The following NFS1 variants were observed in gnomAD, a reference collection of about 807,000 sequenced individuals.
The protein encoded by NFS1 is cysteine desulfurase.
Under a neutral mutation model 57.3 loss-of-function variants are expected in NFS1, and 26 were observed. The ratio of observed to expected loss-of-function variants is 0.45; its 90% CI spans 0.33 to 0.63. NFS1 has a LOEUF of 0.63. NFS1 is among the 20% of genes least tolerant of loss of function. The probability of loss-of-function intolerance (pLI) is 0.02; values close to 1 mark genes in which losing one functional copy is unlikely to be tolerated. For synonymous variants in NFS1, 209 were observed against 216.3 expected, an observed-to-expected ratio of 0.97 and a Z score of 0.30; for missense variants, 505 against 605.8, an observed-to-expected ratio of 0.83 and a Z score of 1.75.
intron 7 of NFS1, among the ~76,000 whole-genome samples, chr20:35,679,896 G>T (rs2034819563): frequency 6.6e-6 from 1 of 152,122 alleles, no homozygotes; most frequent in African/African-American, 2.4e-5. Context: ...TATTCCCAAG[G>T]GTTAAGGGAA....
At chr20:35,698,790 T>G (rs2035189328) in intron 1 of NFS1, 200 bp from the exon 2 acceptor site, 1 of 1,390,864 alleles carries the variant, frequency 7.2e-7, no homozygotes, top group African/African-American at 1.5e-5. Flanking sequence ...AGAGGGTTCC[T>G]GGAGGGGGTG....
Position 35,681,943 on chromosome 20 carries a change from C to T in NFS1, c.600G>A (p.Val200=). 2.5e-6 allele frequency: 4 copies of T among 1,612,966 alleles called. No individual in the cohort carries two copies. The highest frequency in any genetic ancestry group is 3.4e-6 in the Non-Finnish European group (4 of 1,179,008). The change falls in exon 6 of 13, where the codon GTG becomes GTA. Residue 200 remains valine (V), a synonymous_variant. Transcript: ENST00000374092. ...TCTCATTGTTCACAGTCATGACTGACACCAGGCTAGTATCTGGCTGGATAG... is the reference window on the plus strand; with the variant it reads ...TCTCATTGTTCACAGTCATGACTGATACCAGGCTAGTATCTGGCTGGATAG... ...EAAIQPDTSL[V]SVMTVNNEIG...
intron 7 of NFS1, among the ~76,000 whole-genome samples, chr20:35,679,548 C>T (rs1018428218): frequency 1.3e-5 from 2 of 152,046 alleles, no homozygotes; most frequent in African/African-American, 4.8e-5. Context: ...GGTATCCAGC[C>T]TGAGTTCATT....
chr20:35,687,956 C>T (rs1458894904), intron 5 of NFS1, among the ~76,000 whole-genome samples: 1 of 152,106 alleles, frequency 6.6e-6, no homozygotes, highest in Non-Finnish European at 1.5e-5. Context: ...AAAAATTTAG[C>T]AGGCTGGCCA....
chr20:35,672,795 C>G lies in NFS1; in HGVS notation c.1270G>C (p.Glu424Gln). 1 of 1,613,808 alleles carries G rather than the reference C, an allele frequency of 6.2e-7. No individual in the cohort carries two copies. Among genetic ancestry groups the G allele is most frequent in the Admixed American group, 1.7e-5 (1 of 60,006 alleles). ...TTEEEVDYTV[E>Q]KCIQHVKRLR... ...CGCTTCACATGCTGAATGCATTTCT[C>G]CACTGTGTAGTCCACTTCCTCCTCT... Residue 424 changes from glutamate to glutamine, a missense_variant, in exon 12 of 13, where the codon GAG (glutamate) becomes CAG (glutamine). By Grantham distance (29) the Glu-to-Gln change is conservative. Coordinates refer to ENST00000374092, the MANE Select transcript of NFS1 (RefSeq NM_021100.5).
chr20:35,699,291 T>A lies in NFS1; in HGVS notation c.-3A>T. The A allele has an allele frequency of 7.1e-7, 1 of 1,404,880 alleles. No individual in the cohort carries two copies. Among genetic ancestry groups the A allele is most frequent in the Non-Finnish European group, 9.2e-7 (1 of 1,087,588 alleles). The allele number at this position is 1,404,880 out of a possible 1,614,324, so 87.0% of individuals were successfully genotyped here. A position where few individuals can be genotyped will look rare whatever the true frequency, so the allele number is the denominator to read the frequency against. ...CTCCAAGCGGCTCGGAGCAGCATGG[T>A]CCCGCTGGCAGAGCCCACCTTCCGA... On this transcript the variant is annotated 5_prime_UTR_variant, in exon 1 of 13. Transcript: ENST00000374092. The surrounding 1 kb of genome is among the most constrained non-coding windows in gnomAD (Gnocchi z 4.4).
chr20:35,676,670 TGGA>T (rs1301083682), intron 7 of NFS1, among the ~76,000 whole-genome samples: 1 of 144,342 alleles, frequency 6.9e-6, no homozygotes, highest in Non-Finnish European at 1.5e-5. Flanking sequence ...AAAAGAAAGC[TGGA>T]GGAGAAGTAT....
At chr20:35,684,445 TAA>T in intron 5 of NFS1, among the ~76,000 whole-genome samples, 1 of 138,104 alleles carries the variant, frequency 7.2e-6, no homozygotes, top group East Asian at 2.4e-4. Context: ...TAAAATAAAA[TAA>T]AATAAAATAA....
intron 5 of NFS1, chr20:35,682,779 C>CAAA (rs1430151155): frequency 1.6e-5 from 2 of 121,654 alleles, no homozygotes. Context: ...GACTCTGCCT[C>CAAA]AAAAAAAAAA....
At chr20:35,696,201 A>ACT (rs1258785348) in intron 4 of NFS1, among the ~76,000 whole-genome samples, 176 bp downstream of exon 4, 3 of 152,336 alleles carry the variant, frequency 2.0e-5, no homozygotes, top group Non-Finnish European at 4.4e-5. Flanking sequence ...AGACTTAAGA[A>ACT]AGAGTAGACT....
intron 1 of NFS1, chr20:35,698,880 T>C (rs764253163): frequency 7.5e-7 from 1 of 1,340,662 alleles, no homozygotes; most frequent in Non-Finnish European, 9.5e-7. Context: ...GGAGCCAGAG[T>C]AGGTGCAGTC....
chr20:35,692,638 T>C (rs189965608), intron 4 of NFS1, among the ~76,000 whole-genome samples: 1 of 147,900 alleles, frequency 6.8e-6, no homozygotes, highest in East Asian at 2.0e-4. Context: ...AAGGCTGCAG[T>C]GAGCTGAGAT....
chr20:35,694,756 G>C (rs1016226131), intron 4 of NFS1: 1 of 152,166 alleles, frequency 6.6e-6, no homozygotes, highest in Non-Finnish European at 1.5e-5. Flanking sequence ...GGGTGTGGTG[G>C]AGGGCGCCTG....
At chr20:35,698,980 C>T in intron 1 of NFS1, 1 of 1,325,810 alleles carries the variant, frequency 7.5e-7, no homozygotes, top group Non-Finnish European at 9.6e-7. Context: ...GCCTCCACGG[C>T]TCTGGGGGCC....
chr20:35,685,121 A>AGG (rs2034916794), intron 5 of NFS1, among the ~76,000 whole-genome samples: 1 of 151,506 alleles, frequency 6.6e-6, no homozygotes, highest in African/African-American at 2.4e-5. Context: ...TCCTGACTTC[A>AGG]GGTGATCCAC....
chr20:35,676,771 A>AAAAAAAAAAAAAAAAC (rs2034755026), intron 7 of NFS1, among the ~76,000 whole-genome samples: 1 of 148,330 alleles, frequency 6.7e-6, no homozygotes, highest in East Asian at 1.9e-4. Context: ...AAAAAAAAAA[A>AAAAAAAAAAAAAAAAC]AAAAAAAAAA....
Position 35,681,996 on chromosome 20 carries a change from G to C in NFS1, c.562-15C>G, listed in dbSNP as rs1489789513. ...GCCTCTAGTTCCTAGGGATATGCAG[G>C]AGTAAGGTGACTAGATAGTACAAAC... On this transcript the variant is annotated splice_polypyrimidine_tract_variant and intron_variant, in intron 5 of 12. Coordinates refer to ENST00000374092, the MANE Select transcript of NFS1 (RefSeq NM_021100.5). 8 of 1,498,602 alleles carry C rather than the reference G, an allele frequency of 5.3e-6. No homozygotes were observed. In the Admixed American group the frequency reaches 1.3e-4, roughly 25 times the overall value. The allele number at this position is 1,498,602 out of a possible 1,614,324, so 92.8% of individuals were successfully genotyped here. A position where few individuals can be genotyped will look rare whatever the true frequency, so the allele number is the denominator to read the frequency against.
In NFS1 at chr20:35,678,476, C is replaced by A. The variant is rs146051737; in HGVS notation, c.790+2261G>T. On this transcript the variant is annotated intron_variant, in intron 7 of 12. Coordinates refer to ENST00000374092, the MANE Select transcript of NFS1 (RefSeq NM_021100.5). ...CCGGGAGGCGGAGGTTGCAGTGAGC[C>A]GAGATCTCACCATTGCACTCCAGCC... Among the ~76,000 whole-genome samples, 929 of 148,736 alleles carry A rather than the reference C, an allele frequency of 6.2e-3. 9 individuals carry two copies. Among genetic ancestry groups the A allele is most frequent in the East Asian group, 0.04 (201 of 5,034 alleles).
At position 35,681,246 on chromosome 20, in the gene NFS1, C is replaced by A. The variant is rs1056380468; in HGVS notation, c.656-375G>T. 6.9e-5 allele frequency among the ~76,000 whole-genome samples: 10 copies of A among 145,964 alleles called. No individual in the cohort carries two copies. The East Asian group carries it at 8.0e-4, about 12-fold the overall frequency. ...ACAAAACAAAATAAAAAAAAAAAAA[C>A]AAGATTAACAGATCTTTGTGCTAAT... On this transcript the variant is annotated intron_variant, in intron 6 of 12. Coordinates refer to ENST00000374092, the MANE Select transcript of NFS1 (RefSeq NM_021100.5).
Sources: allele counts gnomAD v4.1 joint callset (sites outside exome capture counted in the v4.1 genomes callset), GRCh38; gene constraint gnomAD v4.1.1; non-coding constraint Gnocchi (gnomAD v3.1); transcripts MANE v1.5; gene names NCBI Gene and HGNC (gene_info 2026-07-23, HGNC 2026-07-21).